Variants in ADGRL2 observed in about 807,000 individuals in gnomAD.
ADGRL2 encodes calcium-independent alpha-latrotoxin receptor 2.
A neutral mutation model predicts 157.4 loss-of-function variants in ADGRL2; 44 were observed. The observed-to-expected ratio is 0.28, with a 90% CI of 0.22 to 0.36. The LOEUF is 0.36. Ranked by LOEUF, ADGRL2 falls within the 10% of genes least tolerant of loss-of-function variation. The pLI, the probability that ADGRL2 is intolerant of heterozygous loss-of-function variation, is 1.00. For synonymous variants in ADGRL2, 585 were observed against 624.7 expected (o/e 0.94, Z 0.95); for missense variants, 1,510 against 1,768.9 (o/e 0.85, Z 2.63).
chr1:81,728,123 T>C (rs1217891287), intron 1 of ADGRL2, among the ~76,000 whole-genome samples: 2 of 152,210 alleles, frequency 1.3e-5, no homozygotes, highest in African/African-American at 4.8e-5. Context: ...TTTTCAGTTT[T>C]GTAGACAGAA....
chr1:81,649,354 C>T (rs1161929921), intron 3 of ADGRL2, among the ~76,000 whole-genome samples: 1 of 152,186 alleles, frequency 6.6e-6, no homozygotes, highest in Non-Finnish European at 1.5e-5. Flanking sequence ...CACTGAGAAC[C>T]TCTATCAACT....
chr1:81,586,468 G>T (rs1357189522), intron 3 of ADGRL2: 1 of 151,924 alleles, frequency 6.6e-6, no homozygotes, highest in Non-Finnish European at 1.5e-5. Context: ...ATAATGCAGG[G>T]CCTTTTTATT....
chr1:81,416,115 G>T (rs2101488204), intron 1 of ADGRL2, among the ~76,000 whole-genome samples: 1 of 152,192 alleles, frequency 6.6e-6, no homozygotes, highest in African/African-American at 2.4e-5. Flanking sequence ...CTCCCAAAGT[G>T]CTGGGATTAC....
chr1:81,435,618 A>T (rs2077395221), intron 1 of ADGRL2, among the ~76,000 whole-genome samples: 3 of 152,362 alleles, frequency 2.0e-5, no homozygotes, highest in Admixed American at 2.0e-4. Flanking sequence ...TATATATTTA[A>T]TTCAAGATGG....
chr1:81,739,389 C>T (rs546360623), intron 1 of ADGRL2, among the ~76,000 whole-genome samples: 1 of 152,110 alleles, frequency 6.6e-6, no homozygotes, highest in African/African-American at 2.4e-5. Context: ...ATAGTAATTG[C>T]CCAATAAATT....
chr1:81,592,401 A>G (rs1185578065), intron 3 of ADGRL2, among the ~76,000 whole-genome samples: 1 of 152,230 alleles, frequency 6.6e-6, no homozygotes, highest in Admixed American at 6.5e-5. Context: ...GCCTACAGCC[A>G]TAGTTTGCTG....
chr1:81,977,453 A>G (rs1022921645), intron 17 of ADGRL2, among the ~76,000 whole-genome samples: 6 of 151,700 alleles, frequency 4.0e-5, no homozygotes, highest in Admixed American at 2.6e-4. Flanking sequence ...TTAAGTCTTG[A>G]TTGTATTTTT....
chr1:81,910,721 T>A (rs1261922121), intron 3 of ADGRL2, among the ~76,000 whole-genome samples: 1 of 149,426 alleles, frequency 6.7e-6, no homozygotes, highest in African/African-American at 2.4e-5. Context: ...TTATATAGAA[T>A]AACTTGTCCT....
chr1:81,495,913 T>C lies in ADGRL2; in HGVS notation c.-248+50824T>C, dbSNP rs76228398. Among the ~76,000 whole-genome samples the C allele has an allele frequency of 8.5e-4, 130 of 152,254 alleles. No homozygotes were observed. In the East Asian group the frequency reaches 0.019, roughly 22 times the overall value. Reference sequence around the variant, plus strand: ...GTTATTGAGAGGGTACAAACATCCATTGCTCTTTGTCAAGTTGAATATTTA... The same window carrying C: ...GTTATTGAGAGGGTACAAACATCCACTGCTCTTTGTCAAGTTGAATATTTA... On this transcript the variant is annotated intron_variant, in intron 2 of 24. Transcript: ENST00000370721.
chr1:81,587,373 A>G (rs554010129), intron 3 of ADGRL2, among the ~76,000 whole-genome samples: 9 of 152,202 alleles, frequency 5.9e-5, no homozygotes, highest in East Asian at 1.9e-4. Flanking sequence ...ATAATTTCAC[A>G]AAAAAGTTAA....
At chr1:81,724,009 C>T (rs938772566) in intron 1 of ADGRL2, among the ~76,000 whole-genome samples, 14 of 152,066 alleles carry the variant, frequency 9.2e-5, no homozygotes, top group African/African-American at 3.1e-4. Flanking sequence ...CTGCTTTCTG[C>T]TTGTTAAATT....
chr1:81,382,643 A>G (rs1467966743), intron 1 of ADGRL2, among the ~76,000 whole-genome samples: 2 of 152,236 alleles, frequency 1.3e-5, no homozygotes, highest in East Asian at 1.9e-4. Context: ...GAGTTTGATC[A>G]AAGACGAAAC....
At chr1:81,451,482 G>A (rs766876832) in intron 2 of ADGRL2, among the ~76,000 whole-genome samples, 1 of 151,984 alleles carries the variant, frequency 6.6e-6, no homozygotes, top group Admixed American at 6.6e-5. Context: ...ACATTTTTTT[G>A]TATTTCTTTC....
intron 2 of ADGRL2, among the ~76,000 whole-genome samples, chr1:81,846,785 A>T (rs2092807618): frequency 6.6e-6 from 1 of 151,958 alleles, no homozygotes; most frequent in Admixed American, 6.6e-5. Flanking sequence ...ACAATATAGT[A>T]GGTTAATACA....
intron 1 of ADGRL2, among the ~76,000 whole-genome samples, chr1:81,747,696 A>C: frequency 8.9e-6 from 1 of 111,860 alleles, no homozygotes; most frequent in South Asian, 3.3e-4. Flanking sequence ...TTTTTCCTTT[A>C]ATGTTTGTGT....
chr1:81,888,968 A>C (rs2094196973), intron 2 of ADGRL2, among the ~76,000 whole-genome samples: 1 of 152,158 alleles, frequency 6.6e-6, no homozygotes, highest in Non-Finnish European at 1.5e-5. Flanking sequence ...TTGTAATTGG[A>C]GTGCCATGAA....
In ADGRL2 at chr1:81,648,886, C is replaced by G. The variant is rs562163425; in HGVS notation, c.-143+67906C>G. 3.4e-4 allele frequency among the ~76,000 whole-genome samples: 52 copies of G among 152,290 alleles called. 1 individual carries two copies. The Middle Eastern group carries it at 0.01, about 30-fold the overall frequency. ...TGCACTCCCAGGGACTTTAACTCAG[C>G]TTACTGTACAGGACAAGTGTCTACC... On this transcript the variant is annotated intron_variant, in intron 3 of 24. Transcript: ENST00000370721.
intron 3 of ADGRL2, among the ~76,000 whole-genome samples, chr1:81,652,044 C>T (rs1033262028): frequency 6.6e-6 from 1 of 152,114 alleles, no homozygotes; most frequent in Non-Finnish European, 1.5e-5. Context: ...AATAACTTTT[C>T]TCCACATGGC....
chr1:81,741,082 G>A (rs1344819213), intron 1 of ADGRL2, among the ~76,000 whole-genome samples: 2 of 150,800 alleles, frequency 1.3e-5, no homozygotes, highest in African/African-American at 2.4e-5. Flanking sequence ...ATAGGCCAGA[G>A]GCTAATCATA....
Sources: gnomAD v4.1 joint callset for allele counts (sites outside exome capture counted in the v4.1 genomes callset) on GRCh38, gnomAD v4.1.1 for gene constraint, MANE v1.5 for transcripts, NCBI Gene and HGNC (gene_info 2026-07-23, HGNC 2026-07-21) for gene names.